ARHGEF7: variants seen among roughly 807,000 people sequenced by gnomAD.
ARHGEF7 encodes PAK-interacting exchange factor beta.
In ARHGEF7, 33 loss-of-function variants were observed where a neutral mutation model predicts 109.8. The ratio of observed to expected loss-of-function variants is 0.30; its 90% CI spans 0.23 to 0.40. The LOEUF (loss-of-function observed/expected upper bound fraction) is 0.40. Ranked by LOEUF, ARHGEF7 falls within the 10% of genes least tolerant of loss-of-function variation. The pLI, the probability that ARHGEF7 is intolerant of heterozygous loss-of-function variation, is 1.00. For missense variants in ARHGEF7, 938 were observed against 1,098.5 expected, an observed-to-expected ratio of 0.85 and a Z score of 2.07; for synonymous variants, 458 against 424.6, an observed-to-expected ratio of 1.08 and a Z score of -0.97.
rs1404933923 is a variant in ARHGEF7, at chr13:111,221,488, TAGA to T, written c.670+3609_670+3611del. 6.1e-3 allele frequency among the ~76,000 whole-genome samples: 400 copies of T among 65,486 alleles called. 6 individuals carry two copies. The highest frequency in any genetic ancestry group is 9.5e-3 in the Non-Finnish European group (317 of 33,444). The allele number at this position is 65,486 out of a possible 152,430, so 43.0% of individuals were successfully genotyped here. A position where few individuals can be genotyped will look rare whatever the true frequency, so the allele number is the denominator to read the frequency against. ...AGACATCTATATATATAGATATATA[TAGA>T]CATATATATATCTATATATATAGAT... is the stretch of plus-strand genomic sequence containing the variant. On this transcript the variant is annotated intron_variant, in intron 5 of 21. Transcript: ENST00000646102.
chr13:111,190,002 C>G (rs1476515307), intron 2 of ARHGEF7, among the ~76,000 whole-genome samples: 2 of 152,166 alleles, frequency 1.3e-5, no homozygotes, highest in Non-Finnish European at 2.9e-5. Flanking sequence ...ACCGCTCTAG[C>G]TACTTCCTGC....
At chr13:111,160,081 A>G (rs944697197) in intron 2 of ARHGEF7, among the ~76,000 whole-genome samples, 3 of 152,006 alleles carry the variant, frequency 2.0e-5, no homozygotes, top group Non-Finnish European at 4.4e-5. Flanking sequence ...TGGATATCCA[A>G]TTTTCCCAGC....
chr13:111,271,641 T>C (rs572892310), intron 9 of ARHGEF7, among the ~76,000 whole-genome samples: 1 of 152,210 alleles, frequency 6.6e-6, no homozygotes, highest in Non-Finnish European at 1.5e-5. Context: ...CGTGCGTGCG[T>C]GCTCTCTCTC....
intron 2 of ARHGEF7, among the ~76,000 whole-genome samples, chr13:111,164,687 C>T (rs1254193626): frequency 1.3e-5 from 2 of 152,078 alleles, no homozygotes; most frequent in Admixed American, 1.3e-4. Context: ...TGGCCTAGGC[C>T]CCATTATGAA....
At chr13:111,193,519 G>A (rs755847539) in intron 2 of ARHGEF7, among the ~76,000 whole-genome samples, 2 of 152,244 alleles carry the variant, frequency 1.3e-5, no homozygotes, top group Non-Finnish European at 2.9e-5. Context: ...TCCCTCAGAG[G>A]TTAGGAACTC....
chr13:111,283,384 A>G (rs773432358), intron 16 of ARHGEF7, 21 bp downstream of exon 16: 131 of 1,537,524 alleles, frequency 8.5e-5, no homozygotes, highest in Non-Finnish European at 1.1e-4. Flanking sequence ...TTGACCACTC[A>G]AACAGCCAGA....
chr13:111,124,341 C>T (rs1271754635), intron 1 of ARHGEF7, among the ~76,000 whole-genome samples: 3 of 152,260 alleles, frequency 2.0e-5, no homozygotes, highest in Non-Finnish European at 2.9e-5. Context: ...ATGCAGGTCT[C>T]GCCATGGGGC....
intron 18 of ARHGEF7, among the ~76,000 whole-genome samples, chr13:111,289,189 G>A (rs1567098385): frequency 6.6e-6 from 1 of 152,164 alleles, no homozygotes. Flanking sequence ...GCACCACCAC[G>A]CCCGGCTAAT....
intron 8 of ARHGEF7, among the ~76,000 whole-genome samples, chr13:111,248,827 G>A (rs1015070033): frequency 2.6e-5 from 4 of 152,186 alleles, no homozygotes; most frequent in African/African-American, 9.7e-5. Flanking sequence ...TTTATTGTGA[G>A]GATGGGTTAC....
intron 8 of ARHGEF7, among the ~76,000 whole-genome samples, chr13:111,259,499 C>T (rs776769796): frequency 2.1e-4 from 32 of 152,288 alleles, no homozygotes; most frequent in Middle Eastern, 3.4e-3. Flanking sequence ...TCAAGAACAC[C>T]GTGGTGGTTC....
chr13:111,166,387 G>C (rs1234079814), intron 2 of ARHGEF7, among the ~76,000 whole-genome samples: 1 of 152,120 alleles, frequency 6.6e-6, no homozygotes, highest in African/African-American at 2.4e-5. Context: ...TGGGCAGAGG[G>C]GAGAAGGGAT....
chr13:111,291,386 G>A (rs1595579776), intron 18 of ARHGEF7, among the ~76,000 whole-genome samples: 1 of 152,270 alleles, frequency 6.6e-6, no homozygotes, highest in African/African-American at 2.4e-5. Flanking sequence ...CAGAGGGTCT[G>A]CATTGGGGTG....
At chr13:111,155,974 A>G (rs1404023279) in intron 2 of ARHGEF7, among the ~76,000 whole-genome samples, 1 of 151,566 alleles carries the variant, frequency 6.6e-6, no homozygotes, top group Non-Finnish European at 1.5e-5. Flanking sequence ...AGTTCCAGTT[A>G]CTCAGGTGGC....
At chr13:111,119,202 GA>G (rs1041386998) in intron 1 of ARHGEF7, among the ~76,000 whole-genome samples, 72 of 152,306 alleles carry the variant, frequency 4.7e-4, no homozygotes, top group African/African-American at 1.6e-3. Flanking sequence ...GACATCAGTG[GA>G]ATTGCATTAG....
intron 11 of ARHGEF7, 110 bp from the exon 12 acceptor site, chr13:111,275,422 A>G: frequency 8.4e-7 from 1 of 1,192,724 alleles, no homozygotes; most frequent in Non-Finnish European, 1.2e-6. Context: ...CTGTCTGAAG[A>G]AGTAAGATAT....
chr13:111,298,697 C>T (rs961864238), intron 19 of ARHGEF7, among the ~76,000 whole-genome samples: 3 of 152,226 alleles, frequency 2.0e-5, no homozygotes, highest in African/African-American at 7.2e-5. Context: ...CATAGGTCAC[C>T]GTGTGTGTGG....
chr13:111,115,308 C>CT (rs2066658266), upstream of ARHGEF7: 1 of 161,534 alleles, frequency 6.2e-6, no homozygotes, highest in Non-Finnish European at 1.3e-5. Context: ...CGGCGGGCGC[C>CT]CGCAGGTTCC....
intron 6 of ARHGEF7, 29 bp downstream of exon 6, chr13:111,233,322 A>G: frequency 6.3e-7 from 1 of 1,582,152 alleles, no homozygotes; most frequent in Middle Eastern, 1.7e-4. Flanking sequence ...TTTTTAAACT[A>G]ACTGGTTTTT....
At chr13:111,284,638 A>G (rs1397172903) in intron 16 of ARHGEF7, among the ~76,000 whole-genome samples, 1 of 152,208 alleles carries the variant, frequency 6.6e-6, no homozygotes, top group Non-Finnish European at 1.5e-5. Flanking sequence ...ATTTTTTTTG[A>G]TAAGTCTGGC....
Sources: gnomAD v4.1 joint callset for allele counts (sites outside exome capture counted in the v4.1 genomes callset) on GRCh38, gnomAD v4.1.1 for gene constraint, MANE v1.5 for transcripts, NCBI Gene and HGNC (gene_info 2026-07-23, HGNC 2026-07-21) for gene names.